The following MDN1 variants were observed in gnomAD, a reference collection of about 807,000 sequenced individuals.
MDN1 encodes the protein midasin.
MDN1 carries 266 observed loss-of-function variants against 669.2 expected under a neutral mutation model. The ratio of observed to expected loss-of-function variants is 0.40; its 90% CI spans 0.36 to 0.44. The LOEUF (loss-of-function observed/expected upper bound fraction) is 0.44, where lower values mean the gene tolerates loss of function less well. Among genes scored for constraint, MDN1 ranks in the 20% least tolerant of loss-of-function variants. The pLI is 1.00. For synonymous variants in MDN1, 2,385 were observed against 2,457.1 expected (o/e 0.97, Z 0.87); for missense variants, 5,940 against 6,754.0 (o/e 0.88, Z 4.22).
In MDN1 at chr6:89,690,085, C is replaced by T; in HGVS notation, c.10808G>A (p.Gly3603Glu). The T allele has an allele frequency of 6.2e-7, 1 of 1,614,078 alleles. No homozygotes were observed. The highest frequency in any genetic ancestry group is 8.5e-7 in the Non-Finnish European group (1 of 1,180,016). The stretch of plus-strand genomic sequence containing the variant: ...GTTTGTGCCTGCTTCCTCTTCTTGC[C>T]CATCTGAAGTTCCTTTGTTCTCCTC... The part of the protein sequence containing the change: ...TLEENKGTSD[G>E]QEEEAGTNPA... The change falls in exon 65 of 102, where the codon GGG (glycine) becomes GAG (glutamate). Residue 3603 changes from glycine to glutamate, a missense_variant. Around this residue, in one of 5 missense-constraint regions of MDN1, gnomAD observed 2,280 missense variants for 2,576.3 expected, o/e 0.88. Coordinates refer to ENST00000369393, the MANE Select transcript of MDN1 (RefSeq NM_014611.3).
At chr6:89,684,724 G>A (rs377431656) in intron 71 of MDN1, 152 bp downstream of exon 71, 9 of 547,188 alleles carry the variant, frequency 1.6e-5, no homozygotes, top group African/African-American at 3.8e-5. Flanking sequence ...CAATGCCACC[G>A]ATGTACATAT....
chr6:89,800,156 G>A (rs1401063073), intron 2 of MDN1, among the ~76,000 whole-genome samples: 3 of 151,974 alleles, frequency 2.0e-5, no homozygotes, highest in Non-Finnish European at 2.9e-5. Context: ...GGCCGGGCAC[G>A]GTGGCTCACA....
chr6:89,776,631 A>G lies in MDN1; in HGVS notation c.1790T>C (p.Ile597Thr), dbSNP rs1056064331. ...HTSKLKMAEVIGSKLNISRKK... is the reference protein window; with the variant it reads ...HTSKLKMAEVTGSKLNISRKK... ...TCTAGAAATGTTCAATTTGCTTCCA[A>G]TAACTTCTGCCATTTTCAGTTTGCT... The change falls in exon 12 of 102, where the codon ATT (isoleucine) becomes ACT (threonine). Residue 597 changes from isoleucine to threonine, a missense_variant. Ile to Thr is a moderately conservative substitution (Grantham distance 89, BLOSUM62 -1). This residue lies in a region of MDN1 where 1,203 missense variants were observed against 1,268.9 expected (regional missense o/e 0.95). Coordinates refer to ENST00000369393, the MANE Select transcript of MDN1 (RefSeq NM_014611.3). 6.2e-7 allele frequency: 1 copy of G among 1,612,936 alleles called. No individual in the cohort carries two copies. The highest frequency in any genetic ancestry group is 1.3e-5 in the African/African-American group (1 of 74,904).
chr6:89,670,158 ATATATATATATATTTTT>A (rs1473466321), intron 83 of MDN1, among the ~76,000 whole-genome samples: 1,396 of 24,324 alleles, frequency 0.057, 55 homozygotes, highest in South Asian at 0.19. Flanking sequence ...ATATATATAT[ATATATATATATATTTTT>A]TTTTTTTTTT....
Position 89,683,814 on chromosome 6 carries a change from T to A in MDN1, c.11903+17A>T. The A allele has an allele frequency of 6.2e-7, 1 of 1,605,874 alleles. No homozygotes were observed. Among genetic ancestry groups the A allele is most frequent in the Non-Finnish European group, 8.5e-7 (1 of 1,173,222 alleles). On this transcript the variant is annotated intron_variant, in intron 72 of 101. Transcript: ENST00000369393. ...CTATTCTATTTTGGTTGTCTCCAGTTTTAAAAGATGGATTACCTGTGTGTC... is the reference window on the plus strand; with the variant it reads ...CTATTCTATTTTGGTTGTCTCCAGTATTAAAAGATGGATTACCTGTGTGTC...
intron 33 of MDN1, among the ~76,000 whole-genome samples, chr6:89,733,238 T>C (rs1482851374): frequency 6.6e-6 from 1 of 151,216 alleles, no homozygotes; most frequent in East Asian, 1.9e-4. Context: ...TTCTTTTTTC[T>C]TTTTTTTTAC....
At chr6:89,667,766 A>T (rs1012881771) in intron 84 of MDN1, among the ~76,000 whole-genome samples, 5 of 146,756 alleles carry the variant, frequency 3.4e-5, no homozygotes, top group African/African-American at 5.0e-5. Flanking sequence ...CTGCCCATTT[A>T]AAAAAAAAAA....
Position 89,810,021 on chromosome 6 carries a change from A to AAT in MDN1, c.103-6468_103-6467insAT, listed in dbSNP as rs765561282. On this transcript the variant is annotated intron_variant, in intron 1 of 101. Transcript: ENST00000369393. ...AAAAAAAAAAAAAAAAAAAAAAAAA[A>AAT]AAAAATTAAGTTTGGAAGATTATAT... 6.9e-5 allele frequency among the ~76,000 whole-genome samples: 10 copies of AAT among 144,560 alleles called. No homozygotes were observed. In the South Asian group the frequency reaches 2.2e-3, roughly 31 times the overall value. 94.8% of individuals were successfully genotyped at this position (144,560 alleles called of 152,430 possible).
intron 2 of MDN1, among the ~76,000 whole-genome samples, chr6:89,798,852 G>A (rs1819752831): frequency 6.6e-6 from 1 of 152,096 alleles, no homozygotes; most frequent in African/African-American, 2.4e-5. Context: ...ATCTTTGGAG[G>A]GTATGATTTC....
intron 1 of MDN1, among the ~76,000 whole-genome samples, chr6:89,814,231 T>G (rs1223953209): frequency 6.6e-6 from 1 of 152,124 alleles, no homozygotes; most frequent in African/African-American, 2.4e-5. Flanking sequence ...CATTATACTC[T>G]CTTCCCTTCA....
intron 70 of MDN1, 88 bp from the exon 71 acceptor site, chr6:89,685,073 C>T (rs916809774): frequency 2.2e-5 from 17 of 777,686 alleles, no homozygotes; most frequent in Non-Finnish European, 3.0e-5. Context: ...CAGTGATGAC[C>T]CTTCCTCATT....
intron 94 of MDN1, 150 bp downstream of exon 94, chr6:89,652,842 A>G (rs1473080922): frequency 1.3e-6 from 1 of 740,856 alleles, no homozygotes; most frequent in Non-Finnish European, 2.2e-6. Context: ...TACCAATAGT[A>G]TTCCTAAAAA....
intron 7 of MDN1, among the ~76,000 whole-genome samples, chr6:89,788,872 T>C (rs1387172246): frequency 6.6e-6 from 1 of 152,148 alleles, no homozygotes; most frequent in Non-Finnish European, 1.5e-5. Context: ...ACGCCTGTAA[T>C]CCCAGCACTT....
intron 63 of MDN1, among the ~76,000 whole-genome samples, chr6:89,691,352 A>G (rs752979920): frequency 3.3e-5 from 5 of 152,184 alleles, no homozygotes; most frequent in African/African-American, 4.8e-5. Flanking sequence ...AACTGGCAAA[A>G]ATTCTAACTT....
intron 40 of MDN1, among the ~76,000 whole-genome samples, 195 bp from the exon 41 acceptor site, chr6:89,719,420 G>C (rs1040933841): frequency 6.6e-6 from 1 of 152,162 alleles, no homozygotes; most frequent in African/African-American, 2.4e-5. Flanking sequence ...AAGTAAATTT[G>C]AGATTGAGAA....
At chr6:89,689,633 A>C (rs1046408550) in intron 65 of MDN1, among the ~76,000 whole-genome samples, 8 of 152,238 alleles carry the variant, frequency 5.3e-5, no homozygotes, top group African/African-American at 1.9e-4. Context: ...CAAAGGATCC[A>C]AACAATAAAA....
chr6:89,794,457 C>T, intron 3 of MDN1, 120 bp downstream of exon 3: 1 of 986,072 alleles, frequency 1.0e-6, no homozygotes, highest in Non-Finnish European at 1.5e-6. Flanking sequence ...ACCCCAAAAG[C>T]CACAAGAACA....
chr6:89,780,142 C>A, intron 11 of MDN1, 70 bp downstream of exon 11: 11 of 831,662 alleles, frequency 1.3e-5, no homozygotes, highest in South Asian at 1.9e-5. Context: ...AATCAAAAGA[C>A]AGAAAATAAC....
intron 5 of MDN1, among the ~76,000 whole-genome samples, chr6:89,791,538 G>A (rs533667315): frequency 1.3e-5 from 2 of 152,176 alleles, no homozygotes; most frequent in East Asian, 3.9e-4. Context: ...GAATACCCAG[G>A]TCTATCAGGT....
Sources: allele counts gnomAD v4.1 joint callset (sites outside exome capture counted in the v4.1 genomes callset), GRCh38; gene constraint gnomAD v4.1.1; regional missense constraint gnomAD v4.1.1; transcripts MANE v1.5; gene names NCBI Gene and HGNC (gene_info 2026-07-23, HGNC 2026-07-21).